Variants in CALHM4 observed in about 807,000 individuals in gnomAD.
CALHM4 encodes the protein calcium homeostasis modulator protein 4.
A neutral mutation model predicts 13.3 loss-of-function variants in CALHM4; 16 were observed. The observed-to-expected ratio is 1.20, with a 90% CI of 0.81 to 1.82. CALHM4 has a LOEUF of 1.82. Ranked by LOEUF, CALHM4 falls within the 40% of genes most tolerant of loss-of-function variation. The pLI is 0.00. For synonymous variants in CALHM4, 127 were observed against 137.1 expected (o/e 0.93, Z 0.52); for missense variants, 344 against 374.9 (o/e 0.92, Z 0.68).
chr6:116,533,035 C>T (rs1184431881), intron 1 of CALHM4, among the ~76,000 whole-genome samples: 1 of 152,194 alleles, frequency 6.6e-6, no homozygotes, highest in African/African-American at 2.4e-5. Flanking sequence ...TAAGTCTAAG[C>T]CCCCAGCTAC....
At chr6:116,537,203 G>A (rs1208001683) in intron 1 of CALHM4, among the ~76,000 whole-genome samples, 2 of 152,202 alleles carry the variant, frequency 1.3e-5, no homozygotes, top group Non-Finnish European at 1.5e-5. Context: ...ATCTTGCATA[G>A]GAGTGGAAGT....
upstream of CALHM4, among the ~76,000 whole-genome samples, chr6:116,549,890 C>T (rs1046822326): frequency 2.0e-5 from 3 of 149,840 alleles, no homozygotes; most frequent in Non-Finnish European, 3.0e-5. Context: ...GCAGGAGAAT[C>T]GCTTCAACCC....
At chr6:116,540,328 T>C (rs746027868) in intron 1 of CALHM4, 1 of 1,538,562 alleles carries the variant, frequency 6.5e-7, no homozygotes, top group South Asian at 1.2e-5. Context: ...CAGAGATTTT[T>C]CAAAACATAT....
intron 1 of CALHM4, among the ~76,000 whole-genome samples, chr6:116,531,188 C>T (rs1195460821): frequency 6.6e-6 from 1 of 151,924 alleles, no homozygotes; most frequent in Non-Finnish European, 1.5e-5. Flanking sequence ...TGAAACTCTA[C>T]TTAACACAGG....
rs960633569 is a variant in CALHM4, at chr6:116,560,446, A to C, written c.*2235A>C. ...AAACTCTTTTAGTGTATGATGTAAA[A>C]ATTTTATATTTTGAGCCAGTTAATC... is the stretch of plus-strand genomic sequence containing the variant. On this transcript the variant is annotated 3_prime_UTR_variant, in exon 2 of 2. Coordinates refer to ENST00000368596, the MANE Select transcript of CALHM4 (RefSeq NM_001366078.2). Among the ~76,000 whole-genome samples, 3 of 152,112 alleles carry C rather than the reference A, an allele frequency of 2.0e-5. No homozygotes were observed. Among genetic ancestry groups the C allele is most frequent in the Non-Finnish European group, 4.4e-5 (3 of 68,016 alleles).
At chr6:116,553,076 AAAC>A (rs980526632), upstream of CALHM4, among the ~76,000 whole-genome samples, 2 of 152,250 alleles carry the variant, frequency 1.3e-5, no homozygotes, top group South Asian at 2.1e-4. Context: ...TCCGTCTCAA[AAAC>A]AACAACAACA....
intron 1 of CALHM4, among the ~76,000 whole-genome samples, chr6:116,538,734 C>CTTT (rs531255700): frequency 7.1e-6 from 1 of 141,154 alleles, no homozygotes; most frequent in African/African-American, 2.6e-5. Context: ...ATCTTTCTTT[C>CTTT]TTTTTTTTTT....
upstream of CALHM4, among the ~76,000 whole-genome samples, chr6:116,549,066 C>A (rs1229469303): frequency 6.6e-6 from 1 of 152,174 alleles, no homozygotes; most frequent in Non-Finnish European, 1.5e-5. Context: ...CGGTGGATCA[C>A]CTGAGGTCAG....
At chr6:116,556,472 G>A (rs577979649) in intron 1 of CALHM4, among the ~76,000 whole-genome samples, 3 of 152,268 alleles carry the variant, frequency 2.0e-5, no homozygotes, top group African/African-American at 4.8e-5. Context: ...CTTTTCCTCC[G>A]CCATGCTGGC....
chr6:116,535,791 T>C (rs1773040059), intron 1 of CALHM4, among the ~76,000 whole-genome samples: 1 of 152,218 alleles, frequency 6.6e-6, no homozygotes, highest in Non-Finnish European at 1.5e-5. Flanking sequence ...AAAATATCTT[T>C]AAAGATATAT....
intron 1 of CALHM4, 39 bp downstream of exon 1, chr6:116,554,390 C>A: frequency 7.0e-7 from 1 of 1,432,984 alleles, no homozygotes; most frequent in South Asian, 1.4e-5. Context: ...CTATGTTATC[C>A]TATAGAACTA....
Position 116,557,876 on chromosome 6 carries a change from T to C in CALHM4, c.610T>C (p.Cys204Arg), listed in dbSNP as rs774289182. The change falls in exon 2 of 2, where the codon TGC becomes CGC. Residue 204 changes from cysteine to arginine, a missense_variant. Physicochemically the swap from Cys to Arg is radical, Grantham distance 180. Transcript: ENST00000368596. ...TLATIAALVS[C>R]CVAKCCSPLT... ...GGCAACCATTGCTGCCTTAGTCTCC[T>C]GCTGTGTGGCAAAGTGCTGCTCTCC... The C allele has an allele frequency of 5.0e-6, 8 of 1,614,160 alleles. 1 individual carries two copies. In the South Asian group the frequency reaches 7.7e-5, roughly 16 times the overall value.
At chr6:116,540,828 C>G (rs1421864155) in intron 1 of CALHM4, among the ~76,000 whole-genome samples, 1 of 152,110 alleles carries the variant, frequency 6.6e-6, no homozygotes, top group Non-Finnish European at 1.5e-5. Context: ...AAATGAGATC[C>G]TAGCTAAAGC....
chr6:116,539,481 T>A (rs1773297558), intron 1 of CALHM4, among the ~76,000 whole-genome samples: 2 of 152,236 alleles, frequency 1.3e-5, no homozygotes, highest in South Asian at 4.1e-4. Context: ...TATTTACTGT[T>A]CATCATATTA....
At chr6:116,529,218 A>C (rs1319860210) in intron 1 of CALHM4, 2 of 152,122 alleles carry the variant, frequency 1.3e-5, no homozygotes, top group Admixed American at 1.3e-4. Context: ...TGCAAATCTC[A>C]CTAGACCCTG....
At chr6:116,543,801 T>G in exon 2 of CALHM4, 1 of 1,533,368 alleles carries the variant, frequency 6.5e-7, no homozygotes, top group South Asian at 1.2e-5. Flanking sequence ...CTCAGGCGTC[T>G]GCACAATCCC....
chr6:116,553,736 T>C, upstream of CALHM4: 2 of 1,454,880 alleles, frequency 1.4e-6, no homozygotes, highest in Non-Finnish European at 9.3e-7. Flanking sequence ...TGGTTATAGC[T>C]GGTGGAGTCT....
Position 116,557,992 on chromosome 6 carries a change from C to A in CALHM4, c.726C>A (p.Leu242=). The change falls in exon 2 of 2, where the codon CTC becomes CTA. Residue 242 remains leucine, a synonymous_variant. Coordinates refer to ENST00000368596, the MANE Select transcript of CALHM4 (RefSeq NM_001366078.2). ...AAGCAGCAGAGCAGCACTCTCGGCT[C>A]CTCATGATGCATCGCATAAAGAAGC... ...FEQAAEQHSR[L]LMMHRIKKLF... 6.2e-7 allele frequency: 1 copy of A among 1,614,124 alleles called. No homozygotes were observed. Among genetic ancestry groups the A allele is most frequent in the Non-Finnish European group, 8.5e-7 (1 of 1,180,014 alleles).
intron 2 of CALHM4, chr6:116,545,390 A>G: frequency 8.2e-7 from 1 of 1,224,912 alleles, no homozygotes; most frequent in Non-Finnish European, 1.1e-6. Flanking sequence ...TTCTTATAGC[A>G]TCAGTTTTTA....
Sources: gnomAD v4.1 joint callset for allele counts (sites outside exome capture counted in the v4.1 genomes callset) on GRCh38, gnomAD v4.1.1 for gene constraint, MANE v1.5 for transcripts, NCBI Gene and HGNC (gene_info 2026-07-23, HGNC 2026-07-21) for gene names.